Variants in GSDME observed in about 807,000 individuals in gnomAD.
GSDME encodes gasdermin-E.
GSDME carries 44 observed loss-of-function variants against 47.5 expected under a neutral mutation model. The ratio of observed to expected loss-of-function variants is 0.93; its 90% confidence interval spans 0.73 to 1.19. The LOEUF (loss-of-function observed/expected upper bound fraction) is 1.19, where lower values mean the gene tolerates loss of function less well. Among genes scored for constraint, GSDME ranks in the 50% most tolerant of loss-of-function variants. The probability of loss-of-function intolerance (pLI) is 0.00; values close to 1 mark genes in which losing one functional copy is unlikely to be tolerated. For missense variants in GSDME, 663 were observed against 604.2 expected (o/e 1.10, Z -1.02); for synonymous variants, 258 against 252.8 (o/e 1.02, Z -0.20).
At chr7:24,702,635 C>G (rs150422556) in intron 9 of GSDME, 125 bp downstream of exon 9, 470 of 777,844 alleles carry the variant, frequency 6.0e-4, no homozygotes, top group Non-Finnish European at 9.9e-4. Context: ...ACAATACTTA[C>G]TTAATGTGTC....
chr7:24,741,677 C>G (rs1158194498), intron 3 of GSDME, among the ~76,000 whole-genome samples: 1 of 152,142 alleles, frequency 6.6e-6, no homozygotes, highest in African/African-American at 2.4e-5. Context: ...AAAATAAGCC[C>G]TCGGGAATGT....
chr7:24,755,647 G>A (rs563572971), intron 1 of GSDME, among the ~76,000 whole-genome samples: 1 of 152,300 alleles, frequency 6.6e-6, no homozygotes, highest in South Asian at 2.1e-4. Context: ...ATCACATAGA[G>A]AATCAGTGCT....
chr7:24,777,263 C>T, the GSDME span, among the ~76,000 whole-genome samples: 2 of 152,128 alleles, frequency 1.3e-5, no homozygotes, highest in African/African-American at 4.8e-5. Context: ...TCCACATAGG[C>T]GATCCTCTAG....
chr7:24,758,586 C>T (rs1268541279), upstream of GSDME, among the ~76,000 whole-genome samples: 1 of 152,198 alleles, frequency 6.6e-6, no homozygotes, highest in East Asian at 1.9e-4. The surrounding 1 kb of genome is among the most constrained non-coding windows in gnomAD (Gnocchi z 4.6). Flanking sequence ...AGTTGTGTGG[C>T]TGTCTTAAAG....
chr7:24,752,821 C>G (rs909582475), intron 1 of GSDME, among the ~76,000 whole-genome samples: 1 of 152,182 alleles, frequency 6.6e-6, no homozygotes, highest in South Asian at 2.1e-4. Flanking sequence ...AGTTCACTCA[C>G]GCACTTGCCT....
chr7:24,710,440 C>T, intron 5 of GSDME, 52 bp from the exon 6 acceptor site: 3 of 1,596,606 alleles, frequency 1.9e-6, no homozygotes, highest in Non-Finnish European at 2.6e-6. Flanking sequence ...CTAAGGTGTG[C>T]CAACAAGTCT....
chr7:24,706,091 C>T lies in GSDME; in HGVS notation c.1183+93G>A. The T allele has an allele frequency of 2.7e-6, 4 of 1,470,142 alleles. No individual in the cohort carries two copies. The South Asian group carries it at 4.7e-5, about 17-fold the overall frequency. 91.1% of individuals were successfully genotyped at this position (1,470,142 alleles called of 1,614,324 possible). A position where few individuals can be genotyped will look rare whatever the true frequency, so the allele number is the denominator to read the frequency against. On this transcript the variant is annotated intron_variant, in intron 8 of 9. Transcript: ENST00000645220. The stretch of plus-strand genomic sequence containing the variant: ...GGACCTGTATGTACCATATCTTCCA[C>T]AGTTACCACCTCTGTGTCCCCAGAA...
In GSDME at chr7:24,725,339, G is replaced by A. The variant is rs905802739; in HGVS notation, c.405-6121C>T. ...TTTCCTTCCACTATTGGCAGGGAAG[G>A]CAAGTCAAGACCCCTTTCCAGGGTG... is the stretch of plus-strand genomic sequence containing the variant. On this transcript the variant is annotated intron_variant, in intron 3 of 9. Coordinates refer to ENST00000645220, the MANE Select transcript of GSDME (RefSeq NM_001127453.2). The surrounding 1 kb of genome is among the most constrained non-coding windows in gnomAD (Gnocchi z 5.1). 6.6e-6 allele frequency among the ~76,000 whole-genome samples: 1 copy of A among 152,170 alleles called. No individual in the cohort carries two copies. The highest frequency in any genetic ancestry group is 2.1e-4 in the South Asian group (1 of 4,826).
the GSDME span, among the ~76,000 whole-genome samples, chr7:24,779,482 T>TG: frequency 1.5e-5 from 2 of 129,638 alleles, no homozygotes; most frequent in Non-Finnish European, 3.3e-5. The surrounding 1 kb of genome is among the most constrained non-coding windows in gnomAD (Gnocchi z 6.0). Flanking sequence ...GTTCCCAGGG[T>TG]GGGGAAGTGA....
chr7:24,748,813 T>C (rs1174352104), intron 2 of GSDME, among the ~76,000 whole-genome samples: 1 of 152,094 alleles, frequency 6.6e-6, no homozygotes, highest in African/African-American at 2.4e-5. Flanking sequence ...CTAATCACAA[T>C]AAAAGCTGAG....
At chr7:24,777,747 C>G in the GSDME span, among the ~76,000 whole-genome samples, 6 of 152,046 alleles carry the variant, frequency 3.9e-5, no homozygotes, top group Non-Finnish European at 2.9e-5. Context: ...TTTATGAAAG[C>G]CAGGCACAGT....
chr7:24,699,970 C>G (rs17274565), intron 9 of GSDME, among the ~76,000 whole-genome samples: 6,978 of 152,192 alleles, frequency 0.046, 175 homozygotes, highest in Non-Finnish European at 0.057. Context: ...GAACCTTTTC[C>G]CTTGTTATTC....
the GSDME span, among the ~76,000 whole-genome samples, chr7:24,791,865 C>T: frequency 6.6e-6 from 1 of 152,190 alleles, no homozygotes; most frequent in African/African-American, 2.4e-5. The surrounding 1 kb of genome is among the most constrained non-coding windows in gnomAD (Gnocchi z 4.8). Context: ...TGCTAAGTTT[C>T]CTTGCTGTCG....
the GSDME span, among the ~76,000 whole-genome samples, chr7:24,780,699 C>T: frequency 6.6e-6 from 1 of 152,172 alleles, no homozygotes; most frequent in South Asian, 2.1e-4. The surrounding 1 kb of genome is among the most constrained non-coding windows in gnomAD (Gnocchi z 4.1). Context: ...GTGGTTACGC[C>T]CTCTCTCAAT....
At chr7:24,752,648 G>A (rs533875461) in intron 1 of GSDME, among the ~76,000 whole-genome samples, 1 of 152,212 alleles carries the variant, frequency 6.6e-6, no homozygotes, top group East Asian at 1.9e-4. Flanking sequence ...GAAAGGAACA[G>A]ATTTACTTTG....
upstream of GSDME, among the ~76,000 whole-genome samples, chr7:24,758,726 G>A (rs190713704): frequency 5.3e-5 from 8 of 152,212 alleles, no homozygotes; most frequent in East Asian, 7.7e-4. This position sits in a 1 kb window ranked among gnomAD's most constrained non-coding sequence, Gnocchi z 4.6. Flanking sequence ...CAAATTAAAA[G>A]TGCTGCCCAC....
chr7:24,702,880 TG>T lies in GSDME; in HGVS notation c.1184-48del, dbSNP rs748060664. On this transcript the variant is annotated intron_variant, in intron 8 of 9. Transcript: ENST00000645220. ...GTCACAGTCCAAAAAAACAAGTCCA[TG>T]GGAACAGAGCCAGCCCCTGGATGGC... 14 of 1,547,934 alleles carry T rather than the reference TG, an allele frequency of 9.0e-6. 2 individuals carry two copies. In the South Asian group the frequency reaches 1.3e-4, roughly 15 times the overall value.
chr7:24,777,725 T>C, the GSDME span, among the ~76,000 whole-genome samples: 45 of 152,146 alleles, frequency 3.0e-4, no homozygotes, highest in African/African-American at 1.1e-3. Flanking sequence ...TTTATTTTGC[T>C]TTTTGAAAAA....
the GSDME span, among the ~76,000 whole-genome samples, chr7:24,791,416 A>G: frequency 6.6e-6 from 1 of 152,224 alleles, no homozygotes; most frequent in Non-Finnish European, 1.5e-5. This position sits in a 1 kb window ranked among gnomAD's most constrained non-coding sequence, Gnocchi z 4.8. Context: ...GCCAGGCAGG[A>G]CAGTTAGACC....
Sources: allele counts gnomAD v4.1 joint callset (sites outside exome capture counted in the v4.1 genomes callset), GRCh38; gene constraint gnomAD v4.1.1; non-coding constraint Gnocchi (gnomAD v3.1); transcripts MANE v1.5; gene names NCBI Gene and HGNC (gene_info 2026-07-23, HGNC 2026-07-21).